DIAPH3: variants seen among roughly 807,000 people sequenced by gnomAD.
DIAPH3 encodes the protein protein diaphanous homolog 3.
DIAPH3 carries 117 observed loss-of-function variants against 144.3 expected under a neutral mutation model. The observed-to-expected ratio is 0.81, with a 90% CI of 0.70 to 0.95. The LOEUF (loss-of-function observed/expected upper bound fraction) is 0.95. Among genes scored for constraint, DIAPH3 ranks in the 40% least tolerant of loss-of-function variants. DIAPH3 has a pLI of 0.00. For synonymous variants in DIAPH3, 519 were observed against 488.9 expected, an observed-to-expected ratio of 1.06 and a Z score of -0.81; for missense variants, 1,421 against 1,412.7, an observed-to-expected ratio of 1.01 and a Z score of -0.09.
chr13:60,103,157 G>A (rs2058319604), intron 3 of DIAPH3, among the ~76,000 whole-genome samples: 1 of 151,854 alleles, frequency 6.6e-6, no homozygotes, highest in Non-Finnish European at 1.5e-5. Context: ...GCAAAACCGA[G>A]GTGGGGGGGA....
At chr13:59,958,674 T>A (rs1249666220) in intron 17 of DIAPH3, among the ~76,000 whole-genome samples, 1 of 151,784 alleles carries the variant, frequency 6.6e-6, no homozygotes, top group Non-Finnish European at 1.5e-5. Flanking sequence ...AACTGCAAAA[T>A]ATATAATACA....
At chr13:59,674,748 A>G (rs1198225739) in intron 27 of DIAPH3, among the ~76,000 whole-genome samples, 1 of 152,068 alleles carries the variant, frequency 6.6e-6, no homozygotes, top group African/African-American at 2.4e-5. Context: ...CTCAAACCAC[A>G]CTTTCATGCT....
intron 17 of DIAPH3, among the ~76,000 whole-genome samples, chr13:59,956,111 C>T (rs1029574345): frequency 2.0e-5 from 3 of 152,166 alleles, no homozygotes; most frequent in Admixed American, 6.5e-5. Context: ...AAAAAATTTG[C>T]AGCCTGATGA....
At chr13:60,012,324 G>A in intron 7 of DIAPH3, among the ~76,000 whole-genome samples, 1 of 152,142 alleles carries the variant, frequency 6.6e-6, no homozygotes, top group Non-Finnish European at 1.5e-5. Flanking sequence ...TATGAATTTT[G>A]GAGAGATTAC....
chr13:59,829,564 A>G (rs1222867564), intron 24 of DIAPH3, among the ~76,000 whole-genome samples: 1 of 151,950 alleles, frequency 6.6e-6, no homozygotes, highest in African/African-American at 2.4e-5. Context: ...AAATGGGTAA[A>G]TATAGCTCCA....
At chr13:60,140,302 C>T (rs972348131) in intron 1 of DIAPH3, among the ~76,000 whole-genome samples, 1 of 152,180 alleles carries the variant, frequency 6.6e-6, no homozygotes, top group Non-Finnish European at 1.5e-5. Flanking sequence ...CATGTTCACA[C>T]TTTAACCTAA....
At chr13:59,881,754 C>A (rs1244717146) in intron 20 of DIAPH3, among the ~76,000 whole-genome samples, 2 of 151,952 alleles carry the variant, frequency 1.3e-5, no homozygotes, top group Admixed American at 6.6e-5. Context: ...TCATGAAAAT[C>A]CCTGACAAGG....
chr13:59,851,684 G>C (rs913799217), intron 22 of DIAPH3, among the ~76,000 whole-genome samples: 1 of 144,826 alleles, frequency 6.9e-6, no homozygotes, highest in African/African-American at 2.5e-5. Context: ...CTTTGCCCAG[G>C]TTGGAGCGCA....
chr13:59,810,602 A>G lies in DIAPH3; in HGVS notation c.3163+186T>C, dbSNP rs937838063. 2.0e-5 allele frequency among the ~76,000 whole-genome samples: 3 copies of G among 152,238 alleles called. No individual in the cohort carries two copies. The South Asian group carries it at 6.2e-4, about 32-fold the overall frequency. ...ACCTATGACCAACACTGGAATGAAG[A>G]CACTACACTACTCGTTAGTAAATGG... is the stretch of plus-strand genomic sequence containing the variant. On this transcript the variant is annotated intron_variant, in intron 25 of 27. Coordinates refer to ENST00000400324, the MANE Select transcript of DIAPH3 (RefSeq NM_001042517.2).
intron 22 of DIAPH3, among the ~76,000 whole-genome samples, chr13:59,855,320 G>A (rs2043196262): frequency 6.6e-6 from 1 of 152,002 alleles, no homozygotes; most frequent in African/African-American, 2.4e-5. Context: ...GAATGGCCCA[G>A]TTATATCTCA....
chr13:60,118,422 C>A (rs2058752061), intron 2 of DIAPH3, among the ~76,000 whole-genome samples: 1 of 152,126 alleles, frequency 6.6e-6, no homozygotes, highest in Non-Finnish European at 1.5e-5. Context: ...TGATCATAAA[C>A]ATACTTCATT....
At chr13:60,136,687 G>C (rs184057037) in intron 1 of DIAPH3, among the ~76,000 whole-genome samples, 52 of 152,216 alleles carry the variant, frequency 3.4e-4, no homozygotes, top group Middle Eastern at 3.4e-3. Context: ...TGTAATCCCA[G>C]CACTTTGGGA....
chr13:59,721,214 C>G (rs1222631236), intron 27 of DIAPH3, among the ~76,000 whole-genome samples: 2 of 152,046 alleles, frequency 1.3e-5, no homozygotes, highest in African/African-American at 4.8e-5. Flanking sequence ...CAATTATAAC[C>G]AGCTGATATG....
chr13:60,151,532 T>C (rs1324321937), intron 1 of DIAPH3, among the ~76,000 whole-genome samples: 2 of 152,184 alleles, frequency 1.3e-5, no homozygotes, highest in African/African-American at 2.4e-5. Flanking sequence ...GAGTAATTAT[T>C]AATAACATTT....
At chr13:59,788,399 C>T (rs903445158) in intron 25 of DIAPH3, among the ~76,000 whole-genome samples, 6 of 152,058 alleles carry the variant, frequency 3.9e-5, no homozygotes, top group Non-Finnish European at 7.3e-5. Context: ...GTGGGTGAAT[C>T]GCTTGAGGCC....
At chr13:59,819,329 T>C (rs1168492076) in intron 24 of DIAPH3, among the ~76,000 whole-genome samples, 1 of 151,906 alleles carries the variant, frequency 6.6e-6, no homozygotes, top group Admixed American at 6.6e-5. Flanking sequence ...ATTGTTCAGG[T>C]TTCAACTTCA....
At chr13:60,019,426 A>C (rs929048627) in intron 5 of DIAPH3, among the ~76,000 whole-genome samples, 4 of 152,142 alleles carry the variant, frequency 2.6e-5, no homozygotes, top group Non-Finnish European at 5.9e-5. Flanking sequence ...AACTGCTTTA[A>C]AACAGCAACC....
intron 18 of DIAPH3, among the ~76,000 whole-genome samples, chr13:59,917,441 C>A (rs2047274070): frequency 6.6e-6 from 1 of 152,134 alleles, no homozygotes; most frequent in South Asian, 2.1e-4. Context: ...GTATCACCTA[C>A]AGATTAACAA....
At chr13:59,836,898 T>C (rs540325028) in intron 23 of DIAPH3, among the ~76,000 whole-genome samples, 33 of 152,078 alleles carry the variant, frequency 2.2e-4, no homozygotes, top group Non-Finnish European at 3.4e-4. Context: ...AGCTTCCAAA[T>C]TCTTCAATTT....
Sources: allele counts gnomAD v4.1 joint callset (sites outside exome capture counted in the v4.1 genomes callset), GRCh38; gene constraint gnomAD v4.1.1; transcripts MANE v1.5; gene names NCBI Gene and HGNC (gene_info 2026-07-23, HGNC 2026-07-21).